The following GIGYF2 variants were observed in gnomAD, a reference collection of about 807,000 sequenced individuals.
GIGYF2 encodes GRB10-interacting GYF protein 2.
Under a neutral mutation model 208.1 loss-of-function variants are expected in GIGYF2, and 25 were observed. That is an observed-to-expected ratio of 0.12 (90% CI 0.09 to 0.17). The LOEUF (loss-of-function observed/expected upper bound fraction) is 0.17, where lower values mean the gene tolerates loss of function less well. Among genes scored for constraint, GIGYF2 ranks in the 10% least tolerant of loss-of-function variants. The pLI, the probability that GIGYF2 is intolerant of heterozygous loss-of-function variation, is 1.00. For synonymous variants in GIGYF2, 534 were observed against 543.8 expected, an observed-to-expected ratio of 0.98 and a Z score of 0.25; for missense variants, 1,302 against 1,579.4, an observed-to-expected ratio of 0.82 and a Z score of 2.98.
chr2:232,840,315 T>C (rs1701777148), intron 23 of GIGYF2, among the ~76,000 whole-genome samples: 1 of 152,222 alleles, frequency 6.6e-6, no homozygotes, highest in Non-Finnish European at 1.5e-5. Flanking sequence ...AAGCAGAATA[T>C]GTTTTTCTCT....
At chr2:232,846,036 A>T in intron 26 of GIGYF2, 150 bp downstream of exon 26, 1 of 687,234 alleles carries the variant, frequency 1.5e-6, no homozygotes, top group Non-Finnish European at 2.6e-6. Flanking sequence ...ACTCTTTAAT[A>T]GTATTACTTG....
chr2:232,735,901 A>G, intron 3 of GIGYF2: 1 of 981,522 alleles, frequency 1.0e-6, no homozygotes, highest in South Asian at 4.7e-5. Flanking sequence ...CATCAATAAT[A>G]ATAATTACTT....
At chr2:232,799,552 AAAT>A (rs55730253) in intron 14 of GIGYF2, among the ~76,000 whole-genome samples, 19,259 of 146,642 alleles carry the variant, frequency 0.13, 1,563 homozygotes, top group East Asian at 0.35. Flanking sequence ...CCTGTCTTTA[AAAT>A]AATAATAATA....
intron 5 of GIGYF2, among the ~76,000 whole-genome samples, chr2:232,755,127 A>G (rs1164228427): frequency 6.6e-6 from 1 of 152,196 alleles, no homozygotes; most frequent in East Asian, 1.9e-4. Context: ...ACCAGTTTGG[A>G]CTAAAATATT....
intron 19 of GIGYF2, among the ~76,000 whole-genome samples, chr2:232,816,149 A>G (rs1338110327): frequency 6.6e-6 from 1 of 152,220 alleles, no homozygotes; most frequent in Non-Finnish European, 1.5e-5. Context: ...CCTCAGACGT[A>G]GCAGCCAAAA....
chr2:232,732,952 AGTT>A (rs1697568559), intron 2 of GIGYF2, among the ~76,000 whole-genome samples: 1 of 151,682 alleles, frequency 6.6e-6, no homozygotes, highest in Non-Finnish European at 1.5e-5. Context: ...TTGAATCACT[AGTT>A]GTTTTAAGAG....
chr2:232,746,681 T>A (rs1698162952), intron 3 of GIGYF2, among the ~76,000 whole-genome samples: 1 of 152,188 alleles, frequency 6.6e-6, no homozygotes, highest in South Asian at 2.1e-4. Context: ...CAGTTTGGAG[T>A]ATATTTTTTA....
chr2:232,841,386 C>T (rs1266677880), intron 23 of GIGYF2, among the ~76,000 whole-genome samples: 2 of 152,094 alleles, frequency 1.3e-5, no homozygotes, highest in African/African-American at 4.8e-5. Flanking sequence ...GCCTCCACCT[C>T]CTGAGTTCAA....
At chr2:232,855,237 G>C (rs1690518166) in intron 28 of GIGYF2, among the ~76,000 whole-genome samples, 1 of 151,950 alleles carries the variant, frequency 6.6e-6, no homozygotes, top group African/African-American at 2.4e-5. Flanking sequence ...CAGGCGTGCA[G>C]CGCCACGCCC....
intron 1 of GIGYF2, among the ~76,000 whole-genome samples, chr2:232,701,393 C>T (rs993057355): frequency 8.0e-5 from 12 of 150,780 alleles, no homozygotes; most frequent in Non-Finnish European, 1.6e-4. Context: ...TGCAGTGAGC[C>T]GTGATTGCAC....
chr2:232,822,260 A>T (rs1701108175), intron 21 of GIGYF2, among the ~76,000 whole-genome samples: 1 of 152,234 alleles, frequency 6.6e-6, no homozygotes, highest in South Asian at 2.1e-4. Flanking sequence ...AACATGGTAT[A>T]ACTTTCCATT....
At chr2:232,784,985 A>G (rs968332623) in intron 8 of GIGYF2, among the ~76,000 whole-genome samples, 1 of 151,966 alleles carries the variant, frequency 6.6e-6, no homozygotes, top group African/African-American at 2.4e-5. Flanking sequence ...TTCACCTTCC[A>G]CAATGAGTAA....
chr2:232,787,353 C>T, intron 9 of GIGYF2, 24 bp downstream of exon 9: 1 of 1,591,926 alleles, frequency 6.3e-7, no homozygotes, highest in Non-Finnish European at 8.6e-7. Flanking sequence ...TGAGTAAAGG[C>T]ACACAGGGAC....
chr2:232,765,834 G>A, intron 8 of GIGYF2: 2 of 448,056 alleles, frequency 4.5e-6, no homozygotes, highest in South Asian at 1.6e-5. Flanking sequence ...AGGCCCCTGA[G>A]ATTTTTAGGT....
chr2:232,844,087 G>A lies in GIGYF2; in HGVS notation c.2931G>A (p.Gln977=), dbSNP rs1559165540. Reference sequence around the variant, plus strand: ...GGGAGTTGATGAAAGCTCTTCAGCAGCAGCAGCAACAGCAACAGCAGAAAC... The same window carrying A: ...GGGAGTTGATGAAAGCTCTTCAGCAACAGCAGCAACAGCAACAGCAGAAAC... The part of the protein sequence containing the change: ...QQRELMKALQ[Q]QQQQQQQKLS... Residue 977 remains glutamine, a synonymous_variant, in exon 24 of 29, where the codon CAG becomes CAA. Coordinates refer to ENST00000373563, the MANE Select transcript of GIGYF2 (RefSeq NM_001103146.3). The A allele has an allele frequency of 6.2e-7, 1 of 1,606,250 alleles. No homozygotes were observed. The highest frequency in any genetic ancestry group is 1.7e-5 in the Admixed American group (1 of 59,232).
intron 20 of GIGYF2, among the ~76,000 whole-genome samples, chr2:232,818,338 C>G (rs753731166): frequency 1.3e-5 from 2 of 152,162 alleles, no homozygotes; most frequent in Non-Finnish European, 2.9e-5. Context: ...TATAGCTGAG[C>G]AGAAACCAGA....
intron 8 of GIGYF2, among the ~76,000 whole-genome samples, chr2:232,781,340 T>C (rs1699717289): frequency 6.9e-6 from 1 of 144,880 alleles, no homozygotes; most frequent in Non-Finnish European, 1.5e-5. Flanking sequence ...AAGATAATGG[T>C]CTCCTTGGCA....
chr2:232,697,994 C>G (rs1559366437), intron 1 of GIGYF2, among the ~76,000 whole-genome samples: 1 of 152,172 alleles, frequency 6.6e-6, no homozygotes, highest in South Asian at 2.1e-4. Context: ...CCACCATGAT[C>G]GGAACCTTGG....
At chr2:232,710,921 G>A (rs1574774932) in intron 2 of GIGYF2, among the ~76,000 whole-genome samples, 1 of 151,474 alleles carries the variant, frequency 6.6e-6, no homozygotes, top group Non-Finnish European at 1.5e-5. Context: ...GGCTGGTCTC[G>A]AACTCCTGAC....
Sources: gnomAD v4.1 joint callset for allele counts (sites outside exome capture counted in the v4.1 genomes callset) on GRCh38, gnomAD v4.1.1 for gene constraint, MANE v1.5 for transcripts, NCBI Gene and HGNC (gene_info 2026-07-23, HGNC 2026-07-21) for gene names.